Variants in DNAH12 observed in about 807,000 individuals in gnomAD.
DNAH12 encodes axonemal beta dynein heavy chain 12.
Under a neutral mutation model 371.5 loss-of-function variants are expected in DNAH12, and 285 were observed. The ratio of observed to expected loss-of-function variants is 0.77; its 90% CI spans 0.70 to 0.85. The LOEUF (loss-of-function observed/expected upper bound fraction) is 0.85. DNAH12 is among the 40% of genes least tolerant of loss of function. The pLI is 0.00. For missense variants in DNAH12, 3,611 were observed against 3,689.4 expected, an observed-to-expected ratio of 0.98 and a Z score of 0.55; for synonymous variants, 1,200 against 1,213.0, an observed-to-expected ratio of 0.99 and a Z score of 0.22.
chr3:57,389,795 C>CAT (rs1373984276), intron 45 of DNAH12, among the ~76,000 whole-genome samples: 2 of 87,062 alleles, frequency 2.3e-5, no homozygotes, highest in African/African-American at 7.1e-5. Context: ...TATATATACA[C>CAT]ATATGTGTGT....
In DNAH12 at chr3:57,293,829, C is replaced by A; in HGVS notation, c.11835G>T (p.Arg3945=). 6.5e-7 allele frequency: 1 copy of A among 1,548,972 alleles called. No individual in the cohort carries two copies. Among genetic ancestry groups the A allele is most frequent in the South Asian group, 1.2e-5 (1 of 83,820 alleles). The part of the protein sequence containing the change: ...AMLLKTDQPT[R]HWIKRGVALL... ...AAGCAACCCCGCGCTTGATCCAGTG[C>A]CGAGTAGGTTGGTCTGTTTTTAACA... Residue 3945 remains arginine (R), a synonymous_variant, in exon 74 of 74, where the codon CGG becomes CGT. Coordinates refer to ENST00000495027, the MANE Select transcript of DNAH12 (RefSeq NM_001366028.2).
rs773547735 is a variant in DNAH12 at position 57,508,391 on chromosome 3, G to C, written c.692C>G (p.Thr231Arg). 1 of 1,602,504 alleles carries C rather than the reference G, an allele frequency of 6.2e-7. No homozygotes were observed. Among genetic ancestry groups the C allele is most frequent in the South Asian group, 1.1e-5 (1 of 88,426 alleles). The change falls in exon 7 of 74, where the codon ACA (threonine) becomes AGA (arginine). Residue 231 changes from threonine to arginine, a missense_variant. By Grantham distance (71) the Thr-to-Arg change is moderately conservative. This residue lies in a region of DNAH12 where 1,314 missense variants were observed against 1,398.7 expected (regional missense o/e 0.94). Coordinates refer to ENST00000495027, the MANE Select transcript of DNAH12 (RefSeq NM_001366028.2). ...TFADTVLLDF[T>R]GIRAKGPIDC... ...TTAAACGGGATTTTACCTAATTCCT[G>C]TGAAGTCCAACAAAACTGTATCAGC...
intron 59 of DNAH12, among the ~76,000 whole-genome samples, chr3:57,353,046 A>G (rs1421517964): frequency 6.6e-6 from 1 of 152,118 alleles, no homozygotes; most frequent in Admixed American, 6.6e-5. Context: ...AGATCACGTC[A>G]CTGCACTCGA....
Position 57,323,055 on chromosome 3 carries a change from G to A in DNAH12, c.10335C>T (p.Thr3445=), listed in dbSNP as rs2061843745. Residue 3445 remains threonine (T), a synonymous_variant, in exon 64 of 74, where the codon ACC becomes ACT. Coordinates refer to ENST00000495027, the MANE Select transcript of DNAH12 (RefSeq NM_001366028.2). ...GCCAAAGCCTAAAGGATGAGTTACA[G>A]GTTTCAGAGGTAAAATCTTCACATA... ...EKICEDFTSE[T]CNSSFRLWLT... 1 of 1,552,352 alleles carries A rather than the reference G, an allele frequency of 6.4e-7. No individual in the cohort carries two copies.
In DNAH12 at chr3:57,296,911, C is replaced by T. The variant is rs778492680; in HGVS notation, c.11468G>A (p.Gly3823Glu). ...TTTTCTGGCATAATTCTGCATAGCT[C>T]CAGTTAAAAAGGCCTGAGTGAAAAA... ...GFFFTQAFLT[G>E]AMQNYARKYT... The change falls in exon 71 of 74, where the codon GGA (glycine) becomes GAA (glutamate). Residue 3823 changes from glycine (G) to glutamate (E), a missense_variant. By Grantham distance (98) the Gly-to-Glu change is moderately conservative (BLOSUM62 -2). Transcript: ENST00000495027. 29 of 1,551,474 alleles carry T rather than the reference C, an allele frequency of 1.9e-5. 1 individual carries two copies. In the South Asian group the frequency reaches 3.4e-4, roughly 18 times the overall value.
intron 12 of DNAH12, among the ~76,000 whole-genome samples, chr3:57,484,913 C>CA (rs1297003795): frequency 2.6e-5 from 4 of 151,488 alleles, no homozygotes; most frequent in African/African-American, 9.7e-5. Context: ...AGAAGACAGC[C>CA]AAAAAAACCT....
At chr3:57,350,992 C>T (rs1214270456) in intron 60 of DNAH12, among the ~76,000 whole-genome samples, 2 of 152,008 alleles carry the variant, frequency 1.3e-5, no homozygotes, top group African/African-American at 4.8e-5. Flanking sequence ...TGGTGGGGGC[C>T]GGGTGCAGTG....
At chr3:57,460,909 G>C (rs986845258) in intron 19 of DNAH12, among the ~76,000 whole-genome samples, 4 of 152,178 alleles carry the variant, frequency 2.6e-5, no homozygotes, top group African/African-American at 9.6e-5. Context: ...TAAGTGCAAA[G>C]TTCCAGAGCA....
chr3:57,440,963 C>A (rs1450236344), intron 29 of DNAH12, among the ~76,000 whole-genome samples: 1 of 152,110 alleles, frequency 6.6e-6, no homozygotes, highest in South Asian at 2.1e-4. Context: ...GTACTCCAGC[C>A]TGGGTAACAG....
At chr3:57,521,056 T>C (rs2068414269) in intron 4 of DNAH12, among the ~76,000 whole-genome samples, 1 of 86,666 alleles carries the variant, frequency 1.2e-5, no homozygotes. Flanking sequence ...AAAGTGAGAC[T>C]CTGTCTCAAA....
chr3:57,379,597 T>C (rs2063344843), intron 51 of DNAH12, among the ~76,000 whole-genome samples: 1 of 151,882 alleles, frequency 6.6e-6, no homozygotes, highest in African/African-American at 2.4e-5. Context: ...TCCCAGCACT[T>C]TGGGAGGCCA....
At chr3:57,344,171 A>G (rs28804698) in intron 60 of DNAH12, among the ~76,000 whole-genome samples, 11,865 of 151,630 alleles carry the variant, frequency 0.078, 159 homozygotes, top group African/African-American at 0.27. Context: ...GTCCCACCCA[A>G]CTAGAAATAC....
At chr3:57,513,160 A>G (rs2068060714) in intron 4 of DNAH12, among the ~76,000 whole-genome samples, 1 of 152,062 alleles carries the variant, frequency 6.6e-6, no homozygotes, top group Non-Finnish European at 1.5e-5. Flanking sequence ...AATGTGGTAC[A>G]TATACACCAT....
intron 10 of DNAH12, 141 bp downstream of exon 10, chr3:57,502,182 A>T: frequency 9.0e-7 from 1 of 1,110,586 alleles, no homozygotes; most frequent in Non-Finnish European, 1.3e-6. Context: ...TGGATTCTTG[A>T]CTCTGCCAAA....
At chr3:57,502,584 C>T in intron 9 of DNAH12, 105 bp from the exon 10 acceptor site, 1 of 1,238,786 alleles carries the variant, frequency 8.1e-7, no homozygotes, top group Non-Finnish European at 1.1e-6. Flanking sequence ...GAGTCTTGCT[C>T]TATCACCCAG....
chr3:57,489,371 A>T, intron 12 of DNAH12, 138 bp downstream of exon 12: 1 of 782,602 alleles, frequency 1.3e-6, no homozygotes, highest in South Asian at 3.0e-5. Flanking sequence ...CTACAAAGGC[A>T]CCTCTATAGG....
Position 57,445,175 on chromosome 3 carries a change from A to G in DNAH12, c.4424T>C (p.Leu1475Pro). ...CCAATGTGTATATTTAATACTTACA[A>G]GTATATCTTCATTTTCATTTGGGTA... Reference protein sequence around the residue: ...LKYPNENEDILLLRSIKDVNE... With the variant: ...LKYPNENEDIPLLRSIKDVNE... The change falls in exon 28 of 74, where the codon CTT becomes CCT. Residue 1475 changes from leucine (L) to proline (P), a missense_variant and splice_region_variant. Physicochemically the swap from Leu to Pro is moderately conservative, Grantham distance 98 (BLOSUM62 -3). Coordinates refer to ENST00000495027, the MANE Select transcript of DNAH12 (RefSeq NM_001366028.2). The G allele has an allele frequency of 2.0e-6, 3 of 1,538,134 alleles. No individual in the cohort carries two copies. Among genetic ancestry groups the G allele is most frequent in the Non-Finnish European group, 2.6e-6 (3 of 1,139,066 alleles).
In DNAH12 at chr3:57,425,686, C is replaced by T. The variant is rs532631693; in HGVS notation, c.5254-545G>A. On this transcript the variant is annotated intron_variant, in intron 34 of 73. Transcript: ENST00000495027. Reference sequence around the variant, plus strand: ...CAATTATACATAACAATTGTACAATCGCACATAATACATTCTAAATTCTCT... The same window carrying T: ...CAATTATACATAACAATTGTACAATTGCACATAATACATTCTAAATTCTCT... Among the ~76,000 whole-genome samples the T allele has an allele frequency of 3.9e-5, 6 of 152,262 alleles. No homozygotes were observed. The South Asian group carries it at 6.2e-4, about 16-fold the overall frequency.
chr3:57,480,363 C>T (rs368196773), intron 13 of DNAH12, among the ~76,000 whole-genome samples: 2 of 151,764 alleles, frequency 1.3e-5, no homozygotes, highest in African/African-American at 2.4e-5. Flanking sequence ...CTCCCAAGAC[C>T]AAACCAGGAA....
Sources: allele counts gnomAD v4.1 joint callset (sites outside exome capture counted in the v4.1 genomes callset), GRCh38; gene constraint gnomAD v4.1.1; regional missense constraint gnomAD v4.1.1; transcripts MANE v1.5; gene names NCBI Gene and HGNC (gene_info 2026-07-23, HGNC 2026-07-21).